MYC: variants seen among roughly 807,000 people sequenced by gnomAD.
MYC encodes the protein myc proto-oncogene protein.
Under a neutral mutation model 30.5 loss-of-function variants are expected in MYC, and 1 was observed. The observed-to-expected ratio is 0.03, with a 90% confidence interval of 0.01 to 0.16. The LOEUF is 0.16. MYC is among the 10% of genes least tolerant of loss of function. MYC has a pLI of 1.00. For missense variants in MYC, 508 were observed against 589.0 expected, an observed-to-expected ratio of 0.86 and a Z score of 1.42; for synonymous variants, 267 against 250.7, an observed-to-expected ratio of 1.07 and a Z score of -0.62.
rs753502487 is a variant in MYC, at chr8:127,738,862, C to G, written c.645C>G (p.Asn215Lys). 30 of 1,612,348 alleles carry G rather than the reference C, an allele frequency of 1.9e-5. No homozygotes were observed. The highest frequency in any genetic ancestry group is 2.5e-5 in the Non-Finnish European group (30 of 1,179,946). ...CGGTGGTCTTCCCCTACCCTCTCAA[C>G]GACAGCAGCTCGCCCAAGTCCTGCG... Residue 215 changes from asparagine to lysine, a missense_variant, in exon 2 of 3, where the codon AAC (asparagine) becomes AAG (lysine). Asn to Lys is a moderately conservative substitution (Grantham distance 94, BLOSUM62 0). Coordinates refer to ENST00000621592, the MANE Select transcript of MYC (RefSeq NM_002467.6). The surrounding 1 kb of genome is among the most constrained non-coding windows in gnomAD (Gnocchi z 7.6).
At position 127,738,185 on chromosome 8, in the gene MYC, A is replaced by C. The variant is rs1813638454; in HGVS notation, c.31-63A>C. The C allele has an allele frequency of 6.6e-7, 1 of 1,509,752 alleles. No individual in the cohort carries two copies. The highest frequency in any genetic ancestry group is 8.9e-7 in the Non-Finnish European group (1 of 1,129,820). The allele number at this position is 1,509,752 out of a possible 1,614,324, so 93.5% of individuals were successfully genotyped here. On this transcript the variant is annotated intron_variant, in intron 1 of 2. Transcript: ENST00000621592. This position sits in a 1 kb window ranked among gnomAD's most constrained non-coding sequence, Gnocchi z 7.6. Reference sequence around the variant, plus strand: ...TGTGGCGCGCACTGCGCGCTGCGCCAGGTTTCCGCACCAAGACCCCTTTAA... The same window carrying C: ...TGTGGCGCGCACTGCGCGCTGCGCCCGGTTTCCGCACCAAGACCCCTTTAA...
chr8:127,736,139 G>A (rs4645946), upstream of MYC: 8,381 of 432,244 alleles, frequency 0.019, 107 homozygotes, highest in African/African-American at 0.039. Context: ...CTCCTGCCTC[G>A]AGAAGGGCAG....
Position 127,742,721 on chromosome 8 carries a change from T to C in MYC, c.*1763T>C, listed in dbSNP as rs1009595034. Among the ~76,000 whole-genome samples, 1 of 152,230 alleles carries C rather than the reference T, an allele frequency of 6.6e-6. No homozygotes were observed. Among genetic ancestry groups the C allele is most frequent in the African/African-American group, 2.4e-5 (1 of 41,462 alleles). On this transcript the variant is annotated 3_prime_UTR_variant, in exon 3 of 3. Coordinates refer to ENST00000621592, the MANE Select transcript of MYC (RefSeq NM_002467.6). ...TCCTTTTTTACATACTCATGACACA[T>C]GCTCATCCTGAGTCCTTGAAAAGGT...
chr8:127,740,857 C>G lies in MYC; in HGVS notation c.1264C>G (p.Gln422Glu), dbSNP rs1813699135. 1 of 1,613,434 alleles carries G rather than the reference C, an allele frequency of 6.2e-7. No homozygotes were observed. The highest frequency in any genetic ancestry group is 1.1e-5 in the South Asian group (1 of 91,034). The change falls in exon 3 of 3, where the codon CAA becomes GAA. Residue 422 changes from glutamine (Q) to glutamate (E), a missense_variant. Transcript: ENST00000621592. ...AGCCACAGCATACATCCTGTCCGTC[C>G]AAGCAGAGGAGCAAAAGCTCATTTC...
rs1813592233 is a variant in MYC at position 127,736,495 on chromosome 8, CT to C, written c.-98del. Reference sequence around the variant, plus strand: ...ACAACACCCGAGCAAGGACGCGACTCTCCCGACGCGGGGAGGCTATTCTGCC... The same window carrying C: ...ACAACACCCGAGCAAGGACGCGACTCCCCGACGCGGGGAGGCTATTCTGCC... On this transcript the variant is annotated 5_prime_UTR_variant, in exon 1 of 3. Coordinates refer to ENST00000621592, the MANE Select transcript of MYC (RefSeq NM_002467.6). 7.2e-7 allele frequency: 1 copy of C among 1,379,880 alleles called. No individual in the cohort carries two copies. The highest frequency in any genetic ancestry group is 1.4e-5 in the African/African-American group (1 of 69,384). The allele number at this position is 1,379,880 out of a possible 1,614,324, so 85.5% of individuals were successfully genotyped here.
Position 127,738,694 on chromosome 8 carries a change from C to T in MYC, c.477C>T (p.Leu159=), listed in dbSNP as rs143376340. The T allele has an allele frequency of 6.2e-7, 1 of 1,614,118 alleles. No homozygotes were observed. Among genetic ancestry groups the T allele is most frequent in the Non-Finnish European group, 8.5e-7 (1 of 1,179,962 alleles). The change falls in exon 2 of 3, where the codon CTC becomes CTT. Residue 159 remains leucine (L), a synonymous_variant. Coordinates refer to ENST00000621592, the MANE Select transcript of MYC (RefSeq NM_002467.6). This position sits in a 1 kb window ranked among gnomAD's most constrained non-coding sequence, Gnocchi z 7.6. ...GCGGCTTCTCGGCCGCCGCCAAGCTCGTCTCAGAGAAGCTGGCCTCCTACC... is the reference window on the plus strand; with the variant it reads ...GCGGCTTCTCGGCCGCCGCCAAGCTTGTCTCAGAGAAGCTGGCCTCCTACC...
rs1363132641 is a variant in MYC, at chr8:127,741,063, G to C, written c.*105G>C. The C allele has an allele frequency of 9.3e-7, 1 of 1,075,972 alleles. No homozygotes were observed. The highest frequency in any genetic ancestry group is 1.3e-6 in the Non-Finnish European group (1 of 797,422). 66.7% of individuals were successfully genotyped at this position (1,075,972 alleles called of 1,614,324 possible). ...AATGCAACCTCACAACCTTGGCTGAGTCTTGAGACTGAAAGATTTAGCCAT... is the reference window on the plus strand; with the variant it reads ...AATGCAACCTCACAACCTTGGCTGACTCTTGAGACTGAAAGATTTAGCCAT... On this transcript the variant is annotated 3_prime_UTR_variant, in exon 3 of 3. Coordinates refer to ENST00000621592, the MANE Select transcript of MYC (RefSeq NM_002467.6).
intron 1 of MYC, among the ~76,000 whole-genome samples, chr8:127,737,865 CTT>C (rs944461810): frequency 1.3e-5 from 2 of 152,208 alleles, no homozygotes; most frequent in African/African-American, 4.8e-5. Flanking sequence ...TGGCGCAAAA[CTT>C]TGTGCCTTGG....
intron 2 of MYC, among the ~76,000 whole-genome samples, chr8:127,739,966 CTTT>C (rs545674040): frequency 7.3e-6 from 1 of 136,408 alleles, no homozygotes; most frequent in Admixed American, 7.3e-5. Flanking sequence ...TAGATTGGTT[CTTT>C]TTTTTTTTTT....
At position 127,742,202 on chromosome 8, in the gene MYC, T is replaced by C. The variant is rs1450311714; in HGVS notation, c.*1244T>C. ...CTCCTAAGCATTTTATCCCTAACTCTACATCAACCCCATGAAGGAGATACT... is the reference window on the plus strand; with the variant it reads ...CTCCTAAGCATTTTATCCCTAACTCCACATCAACCCCATGAAGGAGATACT... On this transcript the variant is annotated 3_prime_UTR_variant, in exon 3 of 3. Coordinates refer to ENST00000621592, the MANE Select transcript of MYC (RefSeq NM_002467.6). 6.6e-6 allele frequency among the ~76,000 whole-genome samples: 1 copy of C among 152,202 alleles called. No individual in the cohort carries two copies. Among genetic ancestry groups the C allele is most frequent in the East Asian group, 1.9e-4 (1 of 5,196 alleles).
Position 127,738,463 on chromosome 8 carries a change from C to T in MYC, c.246C>T (p.Ser82=), listed in dbSNP as rs770609785. The T allele has an allele frequency of 5.6e-6, 9 of 1,606,912 alleles. No individual in the cohort carries two copies. Among genetic ancestry groups the T allele is most frequent in the Non-Finnish European group, 7.7e-6 (9 of 1,175,242 alleles). Reference sequence around the variant, plus strand: ...CGCCCCTGTCCCCTAGCCGCCGCTCCGGGCTCTGCTCGCCCTCCTACGTTG... The same window carrying T: ...CGCCCCTGTCCCCTAGCCGCCGCTCTGGGCTCTGCTCGCCCTCCTACGTTG... Residue 82 remains serine (S), a synonymous_variant, in exon 2 of 3, where the codon TCC becomes TCT. Coordinates refer to ENST00000621592, the MANE Select transcript of MYC (RefSeq NM_002467.6). This position sits in a 1 kb window ranked among gnomAD's most constrained non-coding sequence, Gnocchi z 7.6.
rs1224235126 is a variant in MYC, at chr8:127,736,353, G to C, written c.-241G>C. 3.3e-6 allele frequency: 2 copies of C among 600,950 alleles called. No homozygotes were observed. The highest frequency in any genetic ancestry group is 1.9e-5 in the African/African-American group (1 of 53,808). The allele number at this position is 600,950 out of a possible 1,614,324, so 37.2% of individuals were successfully genotyped here. ...TGGGAAGGGAGATCCGGAGCGAATA[G>C]GGGGCTTCGCCTCTGGCCCAGCCCT... is the stretch of plus-strand genomic sequence containing the variant. On this transcript the variant is annotated 5_prime_UTR_variant, in exon 1 of 3. Transcript: ENST00000621592.
Position 127,738,515 on chromosome 8 carries a change from GACA to G in MYC, c.301_303del (p.Asn101del), listed in dbSNP as rs1274246760. The G allele has an allele frequency of 3.1e-6, 5 of 1,611,006 alleles. No individual in the cohort carries two copies. Among genetic ancestry groups the G allele is most frequent in the Middle Eastern group, 1.7e-4 (1 of 6,056 alleles). On this transcript the variant is annotated inframe_deletion, in exon 2 of 3. Transcript: ENST00000621592. The surrounding 1 kb of genome is among the most constrained non-coding windows in gnomAD (Gnocchi z 7.6). ...GGTCACACCCTTCTCCCTTCGGGGA[GACA>G]ACGACGGCGGTGGCGGGAGCTTCTC...
intron 2 of MYC, 146 bp downstream of exon 2, chr8:127,739,165 C>T: frequency 1.1e-6 from 1 of 947,166 alleles, no homozygotes; most frequent in Non-Finnish European, 1.5e-6. Flanking sequence ...CCTCTGAAAC[C>T]TTGGGCTTTA....
intron 1 of MYC, among the ~76,000 whole-genome samples, chr8:127,737,804 G>C (rs1295883287): frequency 6.6e-6 from 1 of 152,324 alleles, no homozygotes; most frequent in Admixed American, 6.5e-5. Context: ...GGCGCGGAGC[G>C]GGGTTCACGC....
At position 127,737,367 on chromosome 8, in the gene MYC, A is replaced by G. The variant is rs529015137; in HGVS notation, c.30+744A>G. On this transcript the variant is annotated intron_variant, in intron 1 of 2. Transcript: ENST00000621592. ...AAAACCAGGGCGAATCTCCGCACCC[A>G]GCCCTGACTCCCCTGCCGCGGCCGC... 3.3e-5 allele frequency among the ~76,000 whole-genome samples: 5 copies of G among 152,320 alleles called. No homozygotes were observed. The East Asian group carries it at 9.7e-4, about 29-fold the overall frequency.
In MYC at chr8:127,736,348, G is replaced by A. The variant is rs1813588641; in HGVS notation, c.-246G>A. The A allele has an allele frequency of 5.0e-6, 3 of 600,694 alleles. No individual in the cohort carries two copies. The East Asian group carries it at 8.3e-5, about 17-fold the overall frequency. The allele number at this position is 600,694 out of a possible 1,614,324, so 37.2% of individuals were successfully genotyped here. A position where few individuals can be genotyped will look rare whatever the true frequency, so the allele number is the denominator to read the frequency against. On this transcript the variant is annotated 5_prime_UTR_variant, in exon 1 of 3. Coordinates refer to ENST00000621592, the MANE Select transcript of MYC (RefSeq NM_002467.6). ...CGTCCTGGGAAGGGAGATCCGGAGC[G>A]AATAGGGGGCTTCGCCTCTGGCCCA... is the stretch of plus-strand genomic sequence containing the variant.
intron 2 of MYC, 136 bp from the exon 3 acceptor site, chr8:127,740,260 G>C: frequency 1.1e-6 from 1 of 926,620 alleles, no homozygotes; most frequent in South Asian, 1.7e-5. Flanking sequence ...GCTTAGATGT[G>C]GCTCTTTGGG....
chr8:127,739,006 C>G lies in MYC; in HGVS notation c.789C>G (p.Thr263=), dbSNP rs2130098204. Reference sequence around the variant, plus strand: ...TCCATGAGGAGACACCGCCCACCACCAGCAGCGACTCTGGTAAGCGAAGCC... The same window carrying G: ...TCCATGAGGAGACACCGCCCACCACGAGCAGCGACTCTGGTAAGCGAAGCC... Residue 263 remains threonine, a synonymous_variant, in exon 2 of 3, where the codon ACC becomes ACG. Transcript: ENST00000621592. 2 of 1,514,362 alleles carry G rather than the reference C, an allele frequency of 1.3e-6. No homozygotes were observed. Among genetic ancestry groups the G allele is most frequent in the Non-Finnish European group, 1.8e-6 (2 of 1,138,432 alleles). The allele number at this position is 1,514,362 out of a possible 1,614,324, so 93.8% of individuals were successfully genotyped here.
Sources: gnomAD v4.1 joint callset for allele counts (sites outside exome capture counted in the v4.1 genomes callset) on GRCh38, gnomAD v4.1.1 for gene constraint, Gnocchi (gnomAD v3.1) non-coding constraint, MANE v1.5 for transcripts, NCBI Gene and HGNC (gene_info 2026-07-23, HGNC 2026-07-21) for gene names.